Variants in FBN1 observed in about 807,000 individuals in gnomAD.
The protein encoded by FBN1 is fibrillin-1.
FBN1 carries 29 observed loss-of-function variants against 365.1 expected under a neutral mutation model. That is an observed-to-expected ratio of 0.08 (90% CI 0.06 to 0.11). The LOEUF is 0.11. FBN1 is among the 10% of genes least tolerant of loss of function. The pLI is 1.00. For missense variants in FBN1, 2,476 were observed against 3,703.2 expected, an observed-to-expected ratio of 0.67 and a Z score of 8.60; for synonymous variants, 1,210 against 1,270.5, an observed-to-expected ratio of 0.95 and a Z score of 1.01.
intron 48 of FBN1, 45 bp from the exon 49 acceptor site, chr15:48,444,705 G>A: frequency 6.2e-7 from 1 of 1,607,040 alleles, no homozygotes; most frequent in African/African-American, 1.3e-5. Flanking sequence ...CCACTGGCAT[G>A]ACTTCCATCA....
chr15:48,585,375 C>T (rs917576430), intron 6 of FBN1, among the ~76,000 whole-genome samples: 5 of 152,146 alleles, frequency 3.3e-5, no homozygotes, highest in African/African-American at 4.8e-5. Flanking sequence ...AGATTATCAC[C>T]GAGGGAATAT....
Position 48,483,892 on chromosome 15 carries a change from G to C in FBN1, c.3764C>G (p.Thr1255Arg). ...GCACCTGTACTCTCCAGGGATATTTGTGCACTGACCACCATCACAGATATT... is the reference window on the plus strand; with the variant it reads ...GCACCTGTACTCTCCAGGGATATTTCTGCACTGACCACCATCACAGATATT... ...NPNICDGGQC[T>R]NIPGEYRCLC... The change falls in exon 31 of 66, where the codon ACA becomes AGA. Residue 1255 changes from threonine (T) to arginine (R), a missense_variant. By Grantham distance (71) the Thr-to-Arg change is moderately conservative. Around this residue, in one of 5 missense-constraint regions of FBN1, gnomAD observed 1,780 missense variants for 2,840.8 expected, o/e 0.63. Coordinates refer to ENST00000316623, the MANE Select transcript of FBN1 (RefSeq NM_000138.5). 1 of 1,613,572 alleles carries C rather than the reference G, an allele frequency of 6.2e-7. No homozygotes were observed. Among genetic ancestry groups the C allele is most frequent in the Non-Finnish European group, 8.5e-7 (1 of 1,179,920 alleles).
intron 6 of FBN1, among the ~76,000 whole-genome samples, chr15:48,579,706 GA>G (rs2044376640): frequency 6.6e-6 from 1 of 152,150 alleles, no homozygotes; most frequent in African/African-American, 2.4e-5. Context: ...TTCACAAAGT[GA>G]AAAAGCTACT....
intron 48 of FBN1, 74 bp downstream of exon 48, chr15:48,445,302 G>T: frequency 6.6e-7 from 1 of 1,526,544 alleles, no homozygotes; most frequent in South Asian, 1.1e-5. Context: ...AGAAGCATTA[G>T]AACAGAGACT....
At chr15:48,489,757 G>A in intron 25 of FBN1, 94 bp downstream of exon 25, 1 of 990,966 alleles carries the variant, frequency 1.0e-6, no homozygotes, top group Non-Finnish European at 1.6e-6. Flanking sequence ...AAAAGTCCAT[G>A]CTGGGATGAT....
At chr15:48,600,100 G>A (rs1313184680) in intron 5 of FBN1, 39 bp downstream of exon 5, 8 of 1,404,448 alleles carry the variant, frequency 5.7e-6, no homozygotes, top group South Asian at 1.2e-5. Flanking sequence ...TCTACAAACA[G>A]GTTAACATCT....
At chr15:48,591,715 T>TGA (rs1337433060) in intron 6 of FBN1, among the ~76,000 whole-genome samples, 1 of 152,130 alleles carries the variant, frequency 6.6e-6, no homozygotes, top group African/African-American at 2.4e-5. Flanking sequence ...TTTAGAGTTA[T>TGA]GAGTGGCCCC....
chr15:48,418,939 T>C (rs1250603215), intron 63 of FBN1, among the ~76,000 whole-genome samples: 1 of 152,174 alleles, frequency 6.6e-6, no homozygotes, highest in Non-Finnish European at 1.5e-5. Context: ...CAACTCTATC[T>C]ATCTGCAAGC....
At chr15:48,525,293 G>A (rs2043900649) in intron 9 of FBN1, among the ~76,000 whole-genome samples, 1 of 152,080 alleles carries the variant, frequency 6.6e-6, no homozygotes, top group Non-Finnish European at 1.5e-5. Context: ...CACCATGTTG[G>A]CCAGGCTGGT....
intron 9 of FBN1, among the ~76,000 whole-genome samples, chr15:48,524,240 CT>C (rs889200107): frequency 2.0e-5 from 3 of 152,116 alleles, no homozygotes; most frequent in African/African-American, 7.2e-5. Flanking sequence ...ACAAAGGGAG[CT>C]CGGGGCTGGG....
Position 48,516,349 on chromosome 15 carries a change from C to T in FBN1, c.1161G>A (p.Lys387=). ...GAATTACCATAGGAACAGAGCACAG[C>T]TTGTTGAAATCCTCTAGAAAAACAC... ...CPIRATEDFN[K]LCSVPMVIPG... Residue 387 remains lysine (K), a synonymous_variant, in exon 11 of 66, where the codon AAG becomes AAA. Transcript: ENST00000316623. 1 of 1,613,700 alleles carries T rather than the reference C, an allele frequency of 6.2e-7. No individual in the cohort carries two copies. Among genetic ancestry groups the T allele is most frequent in the Middle Eastern group, 1.7e-4 (1 of 5,966 alleles).
In FBN1 at chr15:48,411,110, A is replaced by G. The variant is rs1216871823; in HGVS notation, c.8496T>C (p.Ser2832=). ...CTTTCTTTTTATAAAGTGGAGTACT[A>G]CTGATTTGTAATGAATAGGTTCCAG... is the stretch of plus-strand genomic sequence containing the variant. The part of the protein sequence containing the change: ...PVAGTYSLQI[S]STPLYKKKEL... The change falls in exon 66 of 66, where the codon AGT becomes AGC. Residue 2832 remains serine (S), a synonymous_variant. Transcript: ENST00000316623. 8 of 1,614,114 alleles carry G rather than the reference A, an allele frequency of 5.0e-6. No individual in the cohort carries two copies. The Admixed American group carries it at 1.0e-4, about 20-fold the overall frequency.
chr15:48,410,980 G>C lies in FBN1; in HGVS notation c.*10C>G. 6.2e-7 allele frequency: 1 copy of C among 1,611,920 alleles called. No homozygotes were observed. The highest frequency in any genetic ancestry group is 8.5e-7 in the Non-Finnish European group (1 of 1,179,218). On this transcript the variant is annotated 3_prime_UTR_variant, in exon 66 of 66. Transcript: ENST00000316623. Reference sequence around the variant, plus strand: ...TTTTTCTTTTAATTATTTGGTCTCTGGATGGTGAATTAATGAAGCAAAACC... The same window carrying C: ...TTTTTCTTTTAATTATTTGGTCTCTCGATGGTGAATTAATGAAGCAAAACC...
intron 16 of FBN1, among the ~76,000 whole-genome samples, chr15:48,504,378 T>C (rs969809870): frequency 2.6e-5 from 4 of 152,238 alleles, no homozygotes; most frequent in Admixed American, 2.6e-4. Context: ...AATGTCTGAA[T>C]TAGGTATACT....
At position 48,555,303 on chromosome 15, in the gene FBN1, C is replaced by T. The variant is rs1400128466; in HGVS notation, c.539-17495G>A. ...CCTTTCGCCCAGCATGAGCTTCTAA[C>T]GCTCTGATTCACCTCCGCAGAGTCA... On this transcript the variant is annotated intron_variant, in intron 6 of 65. Coordinates refer to ENST00000316623, the MANE Select transcript of FBN1 (RefSeq NM_000138.5). Among the ~76,000 whole-genome samples, 3 of 152,164 alleles carry T rather than the reference C, an allele frequency of 2.0e-5. 1 individual carries two copies. The highest frequency in any genetic ancestry group is 6.5e-5 in the Admixed American group (1 of 15,270).
chr15:48,453,290 C>CAAAAAAAAAAAAAAAA (rs748356141), intron 44 of FBN1, among the ~76,000 whole-genome samples: 2 of 32,880 alleles, frequency 6.1e-5, no homozygotes, highest in Admixed American at 3.0e-4. Flanking sequence ...AAAAATAAAA[C>CAAAAAAAAAAAAAAAA]AAACAAAAAA....
At chr15:48,495,016 T>A (rs2043592509) in intron 22 of FBN1, 107 bp downstream of exon 22, 5 of 1,352,714 alleles carry the variant, frequency 3.7e-6, no homozygotes, top group Non-Finnish European at 4.2e-6. Flanking sequence ...CAGGATTAAA[T>A]CTTTGAAAAT....
At chr15:48,504,718 T>C (rs2043693831) in intron 16 of FBN1, among the ~76,000 whole-genome samples, 1 of 152,196 alleles carries the variant, frequency 6.6e-6, no homozygotes, top group South Asian at 2.1e-4. Context: ...TAATAGCATA[T>C]GCACATCAAT....
chr15:48,447,269 A>C (rs1597534133), intron 46 of FBN1, among the ~76,000 whole-genome samples: 1 of 152,078 alleles, frequency 6.6e-6, no homozygotes, highest in African/African-American at 2.4e-5. Context: ...ATTACCCCAC[A>C]ATCAGCAACA....
Sources: gnomAD v4.1 joint callset for allele counts (sites outside exome capture counted in the v4.1 genomes callset) on GRCh38, gnomAD v4.1.1 for gene constraint, gnomAD v4.1.1 regional missense constraint, MANE v1.5 for transcripts, NCBI Gene and HGNC (gene_info 2026-07-23, HGNC 2026-07-21) for gene names.